Variants in MCOLN2 observed in about 807,000 individuals in gnomAD.
The protein encoded by MCOLN2 is mucolipin-2.
In MCOLN2, 57 loss-of-function variants were observed where a neutral mutation model predicts 67.5. That is an observed-to-expected ratio of 0.84 (90% CI 0.68 to 1.05). The LOEUF is 1.05. Among genes scored for constraint, MCOLN2 ranks in the 50% least tolerant of loss-of-function variants. The probability of loss-of-function intolerance (pLI) is 0.00; values close to 1 mark genes in which losing one functional copy is unlikely to be tolerated. For missense variants in MCOLN2, 620 were observed against 678.8 expected (o/e 0.91, Z 0.96); for synonymous variants, 246 against 233.3 (o/e 1.05, Z -0.50).
At chr1:84,976,196 A>G (rs1412146696) in intron 1 of MCOLN2, among the ~76,000 whole-genome samples, 1 of 152,224 alleles carries the variant, frequency 6.6e-6, no homozygotes, top group Non-Finnish European at 1.5e-5. Flanking sequence ...TATATAGGAC[A>G]CCAAGCAGAT....
intron 7 of MCOLN2, among the ~76,000 whole-genome samples, chr1:84,945,456 G>T (rs528932501): frequency 1.7e-4 from 26 of 152,190 alleles, no homozygotes; most frequent in Non-Finnish European, 3.4e-4. Context: ...GCTTAAGTCA[G>T]TCAGTGAAAT....
intron 1 of MCOLN2, among the ~76,000 whole-genome samples, chr1:84,972,231 C>A (rs770576377): frequency 1.2e-4 from 19 of 152,104 alleles, no homozygotes; most frequent in Non-Finnish European, 2.6e-4. Flanking sequence ...GAACAGAAAT[C>A]AATGAAGATC....
chr1:84,938,103 AAG>A (rs755607447), intron 9 of MCOLN2, 21 bp from the exon 10 acceptor site: 2 of 1,563,698 alleles, frequency 1.3e-6, no homozygotes, highest in African/African-American at 1.4e-5. Context: ...AAAAAAAAGA[AAG>A]AGAGAAATGA....
chr1:84,990,019 G>A (rs7551619), intron 1 of MCOLN2, among the ~76,000 whole-genome samples: 6,826 of 152,106 alleles, frequency 0.045, 162 homozygotes, highest in Middle Eastern at 0.065. Flanking sequence ...CTTCTGGGCC[G>A]GGCGTGGTGG....
At chr1:84,953,696 C>T (rs1431911247) in intron 4 of MCOLN2, among the ~76,000 whole-genome samples, 1 of 146,450 alleles carries the variant, frequency 6.8e-6, no homozygotes, top group East Asian at 2.1e-4. Flanking sequence ...AGGTTGTATT[C>T]AAGTAAAAAC....
intron 1 of MCOLN2, among the ~76,000 whole-genome samples, chr1:84,971,319 T>C (rs568331199): frequency 1.3e-5 from 2 of 152,246 alleles, no homozygotes; most frequent in Admixed American, 1.3e-4. Context: ...TAAAATAATA[T>C]GTACATTTGG....
chr1:84,971,976 A>G (rs1398024874), intron 1 of MCOLN2: 1 of 152,198 alleles, frequency 6.6e-6, no homozygotes, highest in Admixed American at 6.5e-5. Context: ...CACAAGAATC[A>G]CTTGGAACCC....
intron 4 of MCOLN2, among the ~76,000 whole-genome samples, chr1:84,954,464 A>G (rs1425694197): frequency 6.6e-6 from 1 of 152,188 alleles, no homozygotes; most frequent in African/African-American, 2.4e-5. Flanking sequence ...GCTGGACTTT[A>G]TATATTCTCT....
At chr1:84,995,643 A>G (rs930196259) in intron 1 of MCOLN2, among the ~76,000 whole-genome samples, 7 of 152,192 alleles carry the variant, frequency 4.6e-5, no homozygotes, top group Admixed American at 4.6e-4. Flanking sequence ...GTCTTGTTCT[A>G]GGTTTCACTT....
At chr1:84,945,035 T>G (rs922837440) in intron 7 of MCOLN2, among the ~76,000 whole-genome samples, 6 of 152,006 alleles carry the variant, frequency 3.9e-5, no homozygotes, top group African/African-American at 1.5e-4. Context: ...AGAACCTGGT[T>G]TCTTAAGACA....
At chr1:84,988,538 T>G (rs1289555507) in intron 1 of MCOLN2, among the ~76,000 whole-genome samples, 1 of 152,092 alleles carries the variant, frequency 6.6e-6, no homozygotes, top group Admixed American at 6.6e-5. Flanking sequence ...TCCCTTTGTA[T>G]TCAATTCTCA....
intron 1 of MCOLN2, among the ~76,000 whole-genome samples, chr1:84,969,522 T>C (rs1384679094): frequency 1.4e-5 from 2 of 145,456 alleles, no homozygotes; most frequent in Non-Finnish European, 3.0e-5. Flanking sequence ...AGTAAGCCAA[T>C]ATGGCACCAC....
intron 1 of MCOLN2, among the ~76,000 whole-genome samples, chr1:84,985,106 A>T (rs1650441973): frequency 6.6e-6 from 1 of 152,220 alleles, no homozygotes; most frequent in Non-Finnish European, 1.5e-5. Flanking sequence ...AGGAAAAAAA[A>T]AAAAGTAAAG....
At chr1:84,974,132 T>C (rs1448655033) in intron 1 of MCOLN2, among the ~76,000 whole-genome samples, 2 of 152,214 alleles carry the variant, frequency 1.3e-5, no homozygotes, top group Non-Finnish European at 2.9e-5. Flanking sequence ...CAGGTCCTTG[T>C]GGTTGGAACT....
At chr1:84,942,381 C>T (rs966392559) in intron 7 of MCOLN2, among the ~76,000 whole-genome samples, 1 of 152,292 alleles carries the variant, frequency 6.6e-6, no homozygotes, top group South Asian at 2.1e-4. Context: ...GCTCTGTACT[C>T]AGAAGCTGTA....
intron 1 of MCOLN2, among the ~76,000 whole-genome samples, chr1:84,966,026 G>A (rs548378129): frequency 9.2e-5 from 14 of 152,234 alleles, no homozygotes; most frequent in African/African-American, 3.4e-4. Context: ...ACCGAGGCGG[G>A]TGGATCATTT....
intron 7 of MCOLN2, 33 bp downstream of exon 7, chr1:84,947,000 T>C: frequency 1.0e-6 from 1 of 1,003,468 alleles, no homozygotes; most frequent in South Asian, 1.3e-5. Context: ...AAATCATCTA[T>C]AATTCCCATG....
chr1:84,966,340 T>A (rs1359603229), intron 1 of MCOLN2, among the ~76,000 whole-genome samples: 2 of 152,166 alleles, frequency 1.3e-5, no homozygotes, highest in Admixed American at 6.5e-5. Context: ...ACAAGACTCA[T>A]CAATTCCTAC....
chr1:84,978,332 G>C (rs1380278078), intron 1 of MCOLN2, among the ~76,000 whole-genome samples: 1 of 151,528 alleles, frequency 6.6e-6, no homozygotes, highest in African/African-American at 2.4e-5. Flanking sequence ...TATAGAACTA[G>C]AAAAGCAAGA....
Sources: gnomAD v4.1 joint callset for allele counts (sites outside exome capture counted in the v4.1 genomes callset) on GRCh38, gnomAD v4.1.1 for gene constraint, MANE v1.5 for transcripts, NCBI Gene and HGNC (gene_info 2026-07-23, HGNC 2026-07-21) for gene names.